PEX3: variants seen among roughly 807,000 people sequenced by gnomAD.
PEX3 encodes peroxin-3.
A neutral mutation model predicts 55.8 loss-of-function variants in PEX3; 30 were observed. That is an observed-to-expected ratio of 0.54 (90% CI 0.40 to 0.73). PEX3 has a LOEUF of 0.73. Among genes scored for constraint, PEX3 ranks in the 30% least tolerant of loss-of-function variants. The pLI is 0.00. For synonymous variants in PEX3, 135 were observed against 148.4 expected, an observed-to-expected ratio of 0.91 and a Z score of 0.66; for missense variants, 351 against 432.8, an observed-to-expected ratio of 0.81 and a Z score of 1.68.
At position 143,487,674 on chromosome 6, in the gene PEX3, CTGT is replaced by C; in HGVS notation, c.1039-1467_1039-1465del. ...AAAGTGAATGTGGACCTGTCTGCTA[CTGT>C]TCATGCTGTTGAGCATTCAGCCTGC... On this transcript the variant is annotated intron_variant, in intron 11 of 11. Transcript: ENST00000367591. The surrounding 1 kb of genome is among the most constrained non-coding windows in gnomAD (Gnocchi z 5.3). Among the ~76,000 whole-genome samples, 1 of 151,980 alleles carries C rather than the reference CTGT, an allele frequency of 6.6e-6. No homozygotes were observed. The highest frequency in any genetic ancestry group is 1.5e-5 in the Non-Finnish European group (1 of 67,972).
At chr6:143,473,690 C>A (rs1780106980) in intron 8 of PEX3, among the ~76,000 whole-genome samples, 1 of 151,930 alleles carries the variant, frequency 6.6e-6, no homozygotes, top group Non-Finnish European at 1.5e-5. Flanking sequence ...ATAGCGAGAT[C>A]CTGTCTCTAA....
At chr6:143,461,642 C>G in intron 2 of PEX3, among the ~76,000 whole-genome samples, 1 of 151,716 alleles carries the variant, frequency 6.6e-6, no homozygotes, top group East Asian at 1.9e-4. Flanking sequence ...AAGAAGTTTT[C>G]CCTTTTAGAA....
Position 143,459,339 on chromosome 6 carries a change from A to C in PEX3, c.205+123A>C. The C allele has an allele frequency of 1.2e-6, 1 of 829,020 alleles. No individual in the cohort carries two copies. The highest frequency in any genetic ancestry group is 2.1e-6 in the Non-Finnish European group (1 of 486,020). The allele number at this position is 829,020 out of a possible 1,614,324, so 51.4% of individuals were successfully genotyped here. On this transcript the variant is annotated intron_variant, in intron 2 of 11. Coordinates refer to ENST00000367591, the MANE Select transcript of PEX3 (RefSeq NM_003630.3). This position sits in a 1 kb window ranked among gnomAD's most constrained non-coding sequence, Gnocchi z 4.2. ...AGATGGTAAATCTAGCAAGTGTTTG[A>C]ATGATTTAACTGAATTACATCATTT... is the stretch of plus-strand genomic sequence containing the variant.
At chr6:143,457,982 C>A (rs1042447777) in intron 1 of PEX3, among the ~76,000 whole-genome samples, 1 of 152,170 alleles carries the variant, frequency 6.6e-6, no homozygotes, top group Non-Finnish European at 1.5e-5. Flanking sequence ...TATTCTAGTT[C>A]ATATGAATAT....
In PEX3 at chr6:143,479,132, T is replaced by C; in HGVS notation, c.875T>C (p.Leu292Pro). The C allele has an allele frequency of 6.3e-7, 1 of 1,596,362 alleles. No individual in the cohort carries two copies. Among genetic ancestry groups the C allele is most frequent in the Non-Finnish European group, 8.6e-7 (1 of 1,164,014 alleles). The change falls in exon 10 of 12, where the codon CTA becomes CCA. Residue 292 changes from leucine to proline, a missense_variant. Transcript: ENST00000367591. This position sits in a 1 kb window ranked among gnomAD's most constrained non-coding sequence, Gnocchi z 4.6. The stretch of plus-strand genomic sequence containing the variant: ...TTAAACCGAGGTTTTAGTAGACTTC[T>C]AGACAATATGGCTGAGTTCTTTCGA... Reference protein sequence around the residue: ...TCLNRGFSRLLDNMAEFFRPT... With the variant: ...TCLNRGFSRLPDNMAEFFRPT...
Position 143,451,222 on chromosome 6 carries a change from G to C in PEX3, c.73+107G>C. The C allele has an allele frequency of 1.2e-6, 1 of 848,670 alleles. No homozygotes were observed. The highest frequency in any genetic ancestry group is 2.0e-6 in the Non-Finnish European group (1 of 494,546). 52.6% of individuals were successfully genotyped at this position (848,670 alleles called of 1,614,324 possible). A position where few individuals can be genotyped will look rare whatever the true frequency, so the allele number is the denominator to read the frequency against. ...GCGATCCTAGTCTGGGATATGTAGA[G>C]GGAGTTCGATCAACCATGGGATGAA... On this transcript the variant is annotated intron_variant, in intron 1 of 11. Coordinates refer to ENST00000367591, the MANE Select transcript of PEX3 (RefSeq NM_003630.3). The surrounding 1 kb of genome is among the most constrained non-coding windows in gnomAD (Gnocchi z 4.1).
intron 9 of PEX3, among the ~76,000 whole-genome samples, chr6:143,478,162 A>G (rs756016816): frequency 6.6e-6 from 1 of 152,186 alleles, no homozygotes; most frequent in Non-Finnish European, 1.5e-5. Flanking sequence ...GAAAGAAGCC[A>G]GACACAAAAG....
chr6:143,474,312 A>G (rs370200379), intron 8 of PEX3, among the ~76,000 whole-genome samples: 312 of 151,820 alleles, frequency 2.1e-3, no homozygotes, highest in African/African-American at 7.0e-3. Context: ...ATACAAACTT[A>G]GCCGGTCGTG....
At position 143,471,879 on chromosome 6, in the gene PEX3, C is replaced by T. The variant is rs757737164; in HGVS notation, c.578+268C>T. On this transcript the variant is annotated intron_variant, in intron 7 of 11. Transcript: ENST00000367591. The surrounding 1 kb of genome is among the most constrained non-coding windows in gnomAD (Gnocchi z 5.4). The stretch of plus-strand genomic sequence containing the variant: ...TTTGGGTCATGAGATAAAAGACCTA[C>T]TTTAAAATCTGCCTCTGAGGCTTTT... Among the ~76,000 whole-genome samples, 1 of 152,102 alleles carries T rather than the reference C, an allele frequency of 6.6e-6. No individual in the cohort carries two copies. Among genetic ancestry groups the T allele is most frequent in the Non-Finnish European group, 1.5e-5 (1 of 68,008 alleles).
intron 7 of PEX3, 117 bp from the exon 8 acceptor site, chr6:143,472,043 G>GT: frequency 4.0e-6 from 3 of 745,818 alleles, no homozygotes; most frequent in Non-Finnish European, 7.0e-6. Context: ...CCAGTCAGCA[G>GT]TTACAGGTGT....
chr6:143,459,739 A>G lies in PEX3; in HGVS notation c.205+523A>G, dbSNP rs776533243. ...AGCAAAAAGGCCATGTAGCTAGAGC[A>G]GAATGAACAATGGCAGTGATAGGAA... is the stretch of plus-strand genomic sequence containing the variant. On this transcript the variant is annotated intron_variant, in intron 2 of 11. Transcript: ENST00000367591. The surrounding 1 kb of genome is among the most constrained non-coding windows in gnomAD (Gnocchi z 4.2). 7.9e-5 allele frequency among the ~76,000 whole-genome samples: 12 copies of G among 152,242 alleles called. No individual in the cohort carries two copies. The highest frequency in any genetic ancestry group is 1.6e-4 in the Non-Finnish European group (11 of 68,040).
In PEX3 at chr6:143,475,879, A is replaced by G. The variant is rs1780144562; in HGVS notation, c.818+1023A>G. Among the ~76,000 whole-genome samples the G allele has an allele frequency of 6.6e-6, 1 of 152,258 alleles. No individual in the cohort carries two copies. The highest frequency in any genetic ancestry group is 1.5e-5 in the Non-Finnish European group (1 of 68,044). On this transcript the variant is annotated intron_variant, in intron 9 of 11. Transcript: ENST00000367591. The surrounding 1 kb of genome is among the most constrained non-coding windows in gnomAD (Gnocchi z 4.4). Reference sequence around the variant, plus strand: ...ATTTGTTCATTCACTTAATTCATTTATCTCATTGAATTATTCATCAACTAT... The same window carrying G: ...ATTTGTTCATTCACTTAATTCATTTGTCTCATTGAATTATTCATCAACTAT...
At position 143,479,048 on chromosome 6, in the gene PEX3, A is replaced by C. The variant is rs1228997841; in HGVS notation, c.819-28A>C. On this transcript the variant is annotated intron_variant, in intron 9 of 11. Coordinates refer to ENST00000367591, the MANE Select transcript of PEX3 (RefSeq NM_003630.3). The surrounding 1 kb of genome is among the most constrained non-coding windows in gnomAD (Gnocchi z 4.6). ...TTTCTCTTCCATTCAGAGTCTAAAA[A>C]GTAACTTATACTTCTTACTTTATAT... 1 of 1,453,044 alleles carries C rather than the reference A, an allele frequency of 6.9e-7. No homozygotes were observed. The highest frequency in any genetic ancestry group is 2.3e-5 in the East Asian group (1 of 44,012). 90.0% of individuals were successfully genotyped at this position (1,453,044 alleles called of 1,614,324 possible). A position where few individuals can be genotyped will look rare whatever the true frequency, so the allele number is the denominator to read the frequency against.
chr6:143,452,695 G>C (rs1421664570), intron 1 of PEX3, among the ~76,000 whole-genome samples: 1 of 152,194 alleles, frequency 6.6e-6, no homozygotes, highest in East Asian at 1.9e-4. Flanking sequence ...AAAGGAGTCA[G>C]TCTGAAAAGA....
In PEX3 at chr6:143,468,123, CCTTCAAACAAG is replaced by C. The variant is rs748689554; in HGVS notation, c.292_302del (p.Ser98ArgfsTer43). ...ATATTTTTAAATTTTGTTCTTTAGG[CCTTCAAACAAG>C]CTAGAAATATGGGAGGATCTGAAGA... On this transcript the variant is annotated frameshift_variant and splice_region_variant, in exon 4 of 12. Transcript: ENST00000367591. LOFTEE classifies it high-confidence loss of function. 6 of 1,539,970 alleles carry C rather than the reference CCTTCAAACAAG, an allele frequency of 3.9e-6. No homozygotes were observed. In the Admixed American group the frequency reaches 1.0e-4, roughly 26 times the overall value.
In PEX3 at chr6:143,479,303, T is replaced by A; in HGVS notation, c.941+105T>A. 1 of 857,188 alleles carries A rather than the reference T, an allele frequency of 1.2e-6. No homozygotes were observed. Among genetic ancestry groups the A allele is most frequent in the Non-Finnish European group, 1.9e-6 (1 of 514,196 alleles). The allele number at this position is 857,188 out of a possible 1,614,324, so 53.1% of individuals were successfully genotyped here. A position where few individuals can be genotyped will look rare whatever the true frequency, so the allele number is the denominator to read the frequency against. ...CAACAACAAACCTATTAAATTTGAG[T>A]GCCTCATTTTTTAACAAATTAAACT... is the stretch of plus-strand genomic sequence containing the variant. On this transcript the variant is annotated intron_variant, in intron 10 of 11. Coordinates refer to ENST00000367591, the MANE Select transcript of PEX3 (RefSeq NM_003630.3). The surrounding 1 kb of genome is among the most constrained non-coding windows in gnomAD (Gnocchi z 4.6).
At position 143,476,989 on chromosome 6, in the gene PEX3, A is replaced by G. The variant is rs1377579148; in HGVS notation, c.819-2087A>G. On this transcript the variant is annotated intron_variant, in intron 9 of 11. Coordinates refer to ENST00000367591, the MANE Select transcript of PEX3 (RefSeq NM_003630.3). This position sits in a 1 kb window ranked among gnomAD's most constrained non-coding sequence, Gnocchi z 5.4. Reference sequence around the variant, plus strand: ...AAAAGAAACACCAAAAGAATGAGGTATTTTGGAAGACAATTGAAGAAATGT... The same window carrying G: ...AAAAGAAACACCAAAAGAATGAGGTGTTTTGGAAGACAATTGAAGAAATGT... Among the ~76,000 whole-genome samples the G allele has an allele frequency of 1.3e-5, 2 of 152,192 alleles. No individual in the cohort carries two copies. The highest frequency in any genetic ancestry group is 4.8e-5 in the African/African-American group (2 of 41,456).
intron 1 of PEX3, among the ~76,000 whole-genome samples, chr6:143,452,622 TG>T (rs1040592879): frequency 4.6e-5 from 7 of 152,028 alleles, no homozygotes; most frequent in African/African-American, 1.4e-4. Flanking sequence ...ATAAGAGGAA[TG>T]CAAAAAATAG....
In PEX3 at chr6:143,474,774, T is replaced by A. The variant is rs1211625637; in HGVS notation, c.748-12T>A. 3 of 1,468,946 alleles carry A rather than the reference T, an allele frequency of 2.0e-6. No homozygotes were observed. The highest frequency in any genetic ancestry group is 3.3e-5 in the Admixed American group (2 of 59,860). The allele number at this position is 1,468,946 out of a possible 1,614,324, so 91.0% of individuals were successfully genotyped here. A position where few individuals can be genotyped will look rare whatever the true frequency, so the allele number is the denominator to read the frequency against. On this transcript the variant is annotated splice_polypyrimidine_tract_variant and intron_variant, in intron 8 of 11. Coordinates refer to ENST00000367591, the MANE Select transcript of PEX3 (RefSeq NM_003630.3). ...GTTTGAAAACCTTAAGTGTGACATT[T>A]TAATTCTATAGGCCTGTGGACTTTC...
Sources: allele counts gnomAD v4.1 joint callset (sites outside exome capture counted in the v4.1 genomes callset), GRCh38; gene constraint gnomAD v4.1.1; non-coding constraint Gnocchi (gnomAD v3.1); transcripts MANE v1.5; gene names NCBI Gene and HGNC (gene_info 2026-07-23, HGNC 2026-07-21).